Variants in CDYL2 observed in about 807,000 individuals in gnomAD.
CDYL2 encodes the protein chromodomain Y-like protein 2.
CDYL2 carries 23 observed loss-of-function variants against 49.4 expected under a neutral mutation model. The ratio of observed to expected loss-of-function variants is 0.47; its 90% CI spans 0.34 to 0.66. The LOEUF (loss-of-function observed/expected upper bound fraction) is 0.66, where lower values mean the gene tolerates loss of function less well. CDYL2 is among the 30% of genes least tolerant of loss of function. The probability of loss-of-function intolerance (pLI) is 0.01; values close to 1 mark genes in which losing one functional copy is unlikely to be tolerated. For missense variants in CDYL2, 678 were observed against 656.4 expected, an observed-to-expected ratio of 1.03 and a Z score of -0.36; for synonymous variants, 360 against 268.8, an observed-to-expected ratio of 1.34 and a Z score of -3.32.
chr16:80,686,561 G>A (rs1405568565), intron 1 of CDYL2, among the ~76,000 whole-genome samples: 1 of 152,312 alleles, frequency 6.6e-6, no homozygotes, highest in Non-Finnish European at 1.5e-5. Context: ...AGTCATAGTT[G>A]ATAATTGTTG....
intron 1 of CDYL2, among the ~76,000 whole-genome samples, chr16:80,776,803 T>C (rs1044988491): frequency 1.3e-5 from 2 of 151,664 alleles, no homozygotes; most frequent in Non-Finnish European, 2.9e-5. Context: ...TAGGGATGCA[T>C]ACGTATATAT....
intron 2 of CDYL2, among the ~76,000 whole-genome samples, chr16:80,676,830 G>T (rs1320128734): frequency 6.6e-6 from 1 of 152,160 alleles, no homozygotes; most frequent in East Asian, 1.9e-4. Context: ...GGATAAGGGA[G>T]GGGTTATCTG....
chr16:80,733,611 T>C (rs1228207036), intron 1 of CDYL2, among the ~76,000 whole-genome samples: 1 of 152,132 alleles, frequency 6.6e-6, no homozygotes, highest in African/African-American at 2.4e-5. Flanking sequence ...AAATGAAGTA[T>C]CTTGGATGTG....
intron 1 of CDYL2, among the ~76,000 whole-genome samples, chr16:80,758,754 G>A (rs1273499338): frequency 1.3e-5 from 2 of 151,814 alleles, no homozygotes; most frequent in African/African-American, 4.8e-5. Flanking sequence ...GTGTTAGCCA[G>A]GATGGTTTCA....
chr16:80,677,235 T>G (rs980132492), intron 2 of CDYL2, among the ~76,000 whole-genome samples: 15 of 151,980 alleles, frequency 9.9e-5, no homozygotes, highest in African/African-American at 2.4e-5. Flanking sequence ...CCTCCCAAAG[T>G]GCTGGGATTA....
At chr16:80,751,658 T>A (rs1355332639) in intron 1 of CDYL2, among the ~76,000 whole-genome samples, 1 of 152,200 alleles carries the variant, frequency 6.6e-6, no homozygotes, top group Non-Finnish European at 1.5e-5. Context: ...GATAATAGGC[T>A]CAAGTGTTGA....
rs530061075 is a variant in CDYL2 at position 80,692,825 on chromosome 16, T to C, written c.25-7696A>G. 1.6e-4 allele frequency among the ~76,000 whole-genome samples: 24 copies of C among 152,284 alleles called. 1 individual carries two copies. The highest frequency in any genetic ancestry group is 4.3e-4 in the African/African-American group (18 of 41,552). ...CACTAGAGTAACATGTTTGTGTATATTGACAAAACAATTACTTTCAAGAAA... is the reference window on the plus strand; with the variant it reads ...CACTAGAGTAACATGTTTGTGTATACTGACAAAACAATTACTTTCAAGAAA... On this transcript the variant is annotated intron_variant, in intron 1 of 6. Transcript: ENST00000570137.
chr16:80,654,070 C>T (rs986367516), intron 2 of CDYL2, among the ~76,000 whole-genome samples: 9 of 152,192 alleles, frequency 5.9e-5, no homozygotes, highest in Admixed American at 2.6e-4. Flanking sequence ...GTGACTGCCC[C>T]GTGCAGGATG....
At chr16:80,794,720 T>C (rs1907718209) in intron 1 of CDYL2, among the ~76,000 whole-genome samples, 1 of 148,010 alleles carries the variant, frequency 6.8e-6, no homozygotes, top group South Asian at 2.3e-4. Context: ...CAAGCGATTC[T>C]CCTGCCTCAG....
intron 2 of CDYL2, among the ~76,000 whole-genome samples, chr16:80,668,966 T>C (rs1049467787): frequency 2.6e-5 from 4 of 151,980 alleles, no homozygotes; most frequent in Non-Finnish European, 5.9e-5. Flanking sequence ...TGTTTGAATT[T>C]TTTACAACTC....
intron 2 of CDYL2, chr16:80,679,853 C>A: frequency 4.4e-6 from 2 of 449,592 alleles, no homozygotes; most frequent in Non-Finnish European, 4.5e-6. Flanking sequence ...GGAACTTCTG[C>A]TGGAGGTGCA....
chr16:80,745,813 A>T (rs939279437), intron 1 of CDYL2, among the ~76,000 whole-genome samples: 6 of 152,110 alleles, frequency 3.9e-5, no homozygotes, highest in African/African-American at 1.4e-4. Context: ...GACAGCTTGG[A>T]AGGGTTTCTC....
At chr16:80,634,365 G>A (rs113911055) in intron 2 of CDYL2, among the ~76,000 whole-genome samples, 8,931 of 152,160 alleles carry the variant, frequency 0.059, 799 homozygotes, top group African/African-American at 0.2. Context: ...ATGAAGGTGG[G>A]AACTATCATT....
chr16:80,738,393 G>C (rs1406731945), intron 1 of CDYL2, among the ~76,000 whole-genome samples: 1 of 142,902 alleles, frequency 7.0e-6, no homozygotes, highest in Non-Finnish European at 1.6e-5. Context: ...GTAATCCCAT[G>C]TCTATTTTTT....
intron 2 of CDYL2, among the ~76,000 whole-genome samples, chr16:80,641,239 G>C (rs1310272379): frequency 6.6e-6 from 1 of 152,172 alleles, no homozygotes; most frequent in Admixed American, 6.5e-5. Context: ...CACAATGTAG[G>C]AGCTTTAATA....
At chr16:80,655,740 G>A (rs935169484) in intron 2 of CDYL2, among the ~76,000 whole-genome samples, 1 of 152,146 alleles carries the variant, frequency 6.6e-6, no homozygotes, top group Non-Finnish European at 1.5e-5. Context: ...TTGAGTACTG[G>A]ATTCAAAATG....
At chr16:80,687,776 T>C in intron 1 of CDYL2, among the ~76,000 whole-genome samples, 1 of 152,194 alleles carries the variant, frequency 6.6e-6, no homozygotes, top group African/African-American at 2.4e-5. Context: ...TTAAACCTCT[T>C]TGGGCCTCAG....
chr16:80,668,301 G>A (rs893505256), intron 2 of CDYL2, among the ~76,000 whole-genome samples: 2 of 152,274 alleles, frequency 1.3e-5, no homozygotes, highest in Non-Finnish European at 2.9e-5. Context: ...AACTTGGTGA[G>A]GCCTTGGCTA....
At chr16:80,763,455 C>CA (rs1358549089) in intron 1 of CDYL2, among the ~76,000 whole-genome samples, 169 of 144,856 alleles carry the variant, frequency 1.2e-3, no homozygotes, top group African/African-American at 3.8e-3. Context: ...AAGACAAAAA[C>CA]AAAAAAAAAA....
Sources: gnomAD v4.1 joint callset for allele counts (sites outside exome capture counted in the v4.1 genomes callset) on GRCh38, gnomAD v4.1.1 for gene constraint, MANE v1.5 for transcripts, NCBI Gene and HGNC (gene_info 2026-07-23, HGNC 2026-07-21) for gene names.